RIN3: variants seen among roughly 807,000 people sequenced by gnomAD.
The protein encoded by RIN3 is RAB5 interacting protein 3.
RIN3 carries 54 observed loss-of-function variants against 76.3 expected under a neutral mutation model. The ratio of observed to expected loss-of-function variants is 0.71; its 90% CI spans 0.57 to 0.89. RIN3 has a LOEUF of 0.89. RIN3 is among the 40% of genes least tolerant of loss of function. RIN3 has a pLI of 0.00. For missense variants in RIN3, 1,256 were observed against 1,322.1 expected, an observed-to-expected ratio of 0.95 and a Z score of 0.78; for synonymous variants, 576 against 564.0, an observed-to-expected ratio of 1.02 and a Z score of -0.30.
In RIN3 at chr14:92,688,342, G is replaced by A. The variant is rs1888961066; in HGVS notation, c.*90G>A. ...TCCCGACCGCGACGTCCACGCAGCAGAGGGACATGGGCCATTCCATGACGT... is the reference window on the plus strand; with the variant it reads ...TCCCGACCGCGACGTCCACGCAGCAAAGGGACATGGGCCATTCCATGACGT... On this transcript the variant is annotated 3_prime_UTR_variant, in exon 10 of 10. Transcript: ENST00000216487. The A allele has an allele frequency of 8.0e-7, 1 of 1,246,896 alleles. No homozygotes were observed. Among genetic ancestry groups the A allele is most frequent in the Non-Finnish European group, 1.1e-6 (1 of 924,408 alleles). 77.2% of individuals were successfully genotyped at this position (1,246,896 alleles called of 1,614,324 possible).
At chr14:92,549,267 A>G (rs761763870) in intron 1 of RIN3, among the ~76,000 whole-genome samples, 22 of 150,822 alleles carry the variant, frequency 1.5e-4, no homozygotes, top group Non-Finnish European at 3.1e-4. Flanking sequence ...TCCGTCACAC[A>G]CTCCCACCTC....
chr14:92,671,219 T>C (rs1888276760), intron 7 of RIN3, among the ~76,000 whole-genome samples: 1 of 151,994 alleles, frequency 6.6e-6, no homozygotes, highest in African/African-American at 2.4e-5. Flanking sequence ...AGGCTCTGAA[T>C]CAGTCAAGGC....
rs544198649 is a variant in RIN3 at position 92,684,828 on chromosome 14, C to T, written c.2468-159C>T. 6.6e-5 allele frequency among the ~76,000 whole-genome samples: 10 copies of T among 151,740 alleles called. No individual in the cohort carries two copies. The South Asian group carries it at 8.3e-4, about 13-fold the overall frequency. ...AAACTTTCTGAGGCTGGAGGGTGGG[C>T]GTGGGGTTGAGCTCAGCTGTTGAAG... On this transcript the variant is annotated intron_variant, in intron 8 of 9. Transcript: ENST00000216487.
chr14:92,598,253 A>G (rs11623185), intron 3 of RIN3, among the ~76,000 whole-genome samples: 52,952 of 151,978 alleles, frequency 0.35, 10,080 homozygotes, highest in Non-Finnish European at 0.44. Context: ...GAGAGGCCCA[A>G]GAGGAAGACA....
Position 92,623,751 on chromosome 14 carries a change from C to G in RIN3, c.440+8272C>G, listed in dbSNP as rs1886260192. Among the ~76,000 whole-genome samples, 1 of 152,244 alleles carries G rather than the reference C, an allele frequency of 6.6e-6. No homozygotes were observed. On this transcript the variant is annotated intron_variant, in intron 4 of 9. Coordinates refer to ENST00000216487, the MANE Select transcript of RIN3 (RefSeq NM_024832.5). The surrounding 1 kb of genome is among the most constrained non-coding windows in gnomAD (Gnocchi z 4.9). ...CACCATACATCAGCTCGGGCATGAACAAGTGCAGACTGATTGGTAAGCTCT... is the reference window on the plus strand; with the variant it reads ...CACCATACATCAGCTCGGGCATGAAGAAGTGCAGACTGATTGGTAAGCTCT...
At chr14:92,525,242 AG>A (rs1896698570) in intron 1 of RIN3, among the ~76,000 whole-genome samples, 1 of 152,182 alleles carries the variant, frequency 6.6e-6, no homozygotes, top group Admixed American at 6.5e-5. Context: ...GCCACAGAAG[AG>A]CCGGCAGCAC....
chr14:92,568,225 G>A lies in RIN3; in HGVS notation c.250-9135G>A, dbSNP rs894410741. On this transcript the variant is annotated intron_variant, in intron 2 of 9. Transcript: ENST00000216487. The surrounding 1 kb of genome is among the most constrained non-coding windows in gnomAD (Gnocchi z 4.2). ...GAGAAAGGGCTCTGGGTGGTCCTTC[G>A]GCTCCCCATCCCACCATGTACTCAC... Among the ~76,000 whole-genome samples the A allele has an allele frequency of 1.1e-4, 17 of 152,162 alleles. No homozygotes were observed. Among genetic ancestry groups the A allele is most frequent in the African/African-American group, 3.6e-4 (15 of 41,516 alleles).
chr14:92,614,881 G>A (rs1369420456), intron 3 of RIN3, among the ~76,000 whole-genome samples: 5 of 123,228 alleles, frequency 4.1e-5, no homozygotes, highest in Admixed American at 4.0e-4. Context: ...GTCTCACTCT[G>A]TTGCCCAGGC....
chr14:92,651,882 G>GCTGCCCCCCCC lies in RIN3; in HGVS notation c.834_835insTGCCCCCCCCC (p.Arg279CysfsTer64). Reference sequence around the variant, plus strand: ...TCACCCACCTCCAGGTGGGCCCCACGCCGCCCACCACCCCCTCCCCCAGTG... The same window carrying GCTGCCCCCCCC: ...TCACCCACCTCCAGGTGGGCCCCACGCTGCCCCCCCCCCGCCCACCACCCCCTCCCCCAGTG... On this transcript the variant is annotated frameshift_variant, in exon 6 of 10. Transcript: ENST00000216487. LOFTEE classifies it high-confidence loss of function. The GCTGCCCCCCCC allele has an allele frequency of 3.2e-6, 5 of 1,554,446 alleles. No homozygotes were observed. Among genetic ancestry groups the GCTGCCCCCCCC allele is most frequent in the Admixed American group, 1.8e-5 (1 of 55,504 alleles).
intron 2 of RIN3, among the ~76,000 whole-genome samples, chr14:92,567,024 G>A (rs1219677351): frequency 2.6e-5 from 4 of 152,276 alleles, no homozygotes; most frequent in African/African-American, 7.2e-5. Context: ...GGTCACAAAC[G>A]TGGCCTGGAG....
At chr14:92,613,716 G>A (rs1174134724) in intron 3 of RIN3, among the ~76,000 whole-genome samples, 1 of 152,148 alleles carries the variant, frequency 6.6e-6, no homozygotes, top group African/African-American at 2.4e-5. Flanking sequence ...ACTGAGGGGG[G>A]AAAGGGCACG....
At position 92,555,907 on chromosome 14, in the gene RIN3, T is replaced by A. The variant is rs370079806; in HGVS notation, c.201T>A (p.Ser67Arg). The A allele has an allele frequency of 6.8e-6, 11 of 1,613,602 alleles. No individual in the cohort carries two copies. The African/African-American group carries it at 1.3e-4, about 20-fold the overall frequency. Reference protein sequence around the residue: ...IKTCPVWLQLSLGQAEVARIL... With the variant: ...IKTCPVWLQLRLGQAEVARIL... ...CATGCCCGGTGTGGCTGCAGCTGAG[T>A]CTGGGCCAGGCAGAGGTGGCCAGGA... Residue 67 changes from serine (S) to arginine (R), a missense_variant, in exon 2 of 10, where the codon AGT becomes AGA. Ser to Arg is a moderately radical substitution (Grantham distance 110, BLOSUM62 -1). This residue lies in a region of RIN3 where 610 missense variants were observed against 626.4 expected (regional missense o/e 0.97). Coordinates refer to ENST00000216487, the MANE Select transcript of RIN3 (RefSeq NM_024832.5).
At chr14:92,641,437 C>T (rs1283258794) in intron 5 of RIN3, 108 bp downstream of exon 5, 15 of 765,472 alleles carry the variant, frequency 2.0e-5, no homozygotes, top group Non-Finnish European at 3.1e-5. Flanking sequence ...GTCCCAGCTC[C>T]CATGGGACCA....
intron 4 of RIN3, among the ~76,000 whole-genome samples, chr14:92,617,569 T>C (rs771905680): frequency 1.2e-4 from 18 of 152,176 alleles, no homozygotes; most frequent in Non-Finnish European, 1.9e-4. Context: ...TTTAAAACCT[T>C]TGAGAGAATA....
rs375754092 is a variant in RIN3 at position 92,617,364 on chromosome 14, G to A, written c.440+1885G>A. On this transcript the variant is annotated intron_variant, in intron 4 of 9. Coordinates refer to ENST00000216487, the MANE Select transcript of RIN3 (RefSeq NM_024832.5). Reference sequence around the variant, plus strand: ...CCTTTTTGGTCACGTTCTCACTTTGGTCACTTAGGTGAGAACGTGACCAAA... The same window carrying A: ...CCTTTTTGGTCACGTTCTCACTTTGATCACTTAGGTGAGAACGTGACCAAA... Among the ~76,000 whole-genome samples, 40 of 151,766 alleles carry A rather than the reference G, an allele frequency of 2.6e-4. No homozygotes were observed. In the East Asian group the frequency reaches 4.7e-3, roughly 18 times the overall value.
chr14:92,684,898 T>C, intron 8 of RIN3, 89 bp from the exon 9 acceptor site: 1 of 1,393,202 alleles, frequency 7.2e-7, no homozygotes, highest in African/African-American at 1.4e-5. Context: ...TGGGCGGGGC[T>C]TGGAGGAGGT....
At chr14:92,515,394 C>T in intron 1 of RIN3, 3 of 579,238 alleles carry the variant, frequency 5.2e-6, no homozygotes, top group Non-Finnish European at 9.2e-6. Context: ...TCTCATTTTC[C>T]CCAGAGATGA....
chr14:92,686,989 G>C (rs1332865809), intron 9 of RIN3: 1 of 152,306 alleles, frequency 6.6e-6, no homozygotes, highest in Non-Finnish European at 1.5e-5. Context: ...CTAGCCACCA[G>C]TTGCCATCAC....
chr14:92,533,722 G>A (rs892901933), intron 1 of RIN3, among the ~76,000 whole-genome samples: 6 of 152,254 alleles, frequency 3.9e-5, no homozygotes, highest in African/African-American at 1.4e-4. Context: ...TAGGGGAAAG[G>A]GTGGGAGGGG....
Sources: allele counts gnomAD v4.1 joint callset (sites outside exome capture counted in the v4.1 genomes callset), GRCh38; gene constraint gnomAD v4.1.1; regional missense constraint gnomAD v4.1.1; non-coding constraint Gnocchi (gnomAD v3.1); transcripts MANE v1.5; gene names NCBI Gene and HGNC (gene_info 2026-07-23, HGNC 2026-07-21).